Variants in ARHGAP15 observed in about 807,000 individuals in gnomAD.
ARHGAP15 encodes the protein Rho GTPase activating protein 15.
ARHGAP15 carries 51 observed loss-of-function variants against 63.7 expected under a neutral mutation model. That is an observed-to-expected ratio of 0.80 (90% CI 0.64 to 1.01). ARHGAP15 has a LOEUF of 1.01. Among genes scored for constraint, ARHGAP15 ranks in the 50% least tolerant of loss-of-function variants. The pLI, the probability that ARHGAP15 is intolerant of heterozygous loss-of-function variation, is 0.00. For synonymous variants in ARHGAP15, 191 were observed against 193.8 expected (o/e 0.99, Z 0.12); for missense variants, 560 against 564.6 (o/e 0.99, Z 0.08).
chr2:143,313,676 T>C (rs965775297), intron 6 of ARHGAP15, among the ~76,000 whole-genome samples: 1 of 152,176 alleles, frequency 6.6e-6, no homozygotes, highest in African/African-American at 2.4e-5. Flanking sequence ...AGTCTATCTT[T>C]AGGTTTGCCA....
chr2:143,547,709 T>G (rs975391141), intron 10 of ARHGAP15, among the ~76,000 whole-genome samples: 14 of 151,588 alleles, frequency 9.2e-5, no homozygotes, highest in Non-Finnish European at 2.1e-4. Flanking sequence ...TTGTAACATT[T>G]GAAGAAGTCA....
intron 2 of ARHGAP15, among the ~76,000 whole-genome samples, chr2:143,182,821 G>A (rs1041834990): frequency 6.6e-6 from 1 of 152,116 alleles, no homozygotes; most frequent in Non-Finnish European, 1.5e-5. Flanking sequence ...ATGTAACAGG[G>A]CACCTACTAA....
chr2:143,587,371 G>A (rs1697145431), intron 11 of ARHGAP15, among the ~76,000 whole-genome samples: 1 of 151,162 alleles, frequency 6.6e-6, no homozygotes, highest in South Asian at 2.1e-4. Context: ...AAAGATTGAA[G>A]GGTTGTATTG....
intron 4 of ARHGAP15, among the ~76,000 whole-genome samples, chr2:143,225,415 C>T (rs1693169662): frequency 1.3e-5 from 2 of 152,260 alleles, no homozygotes; most frequent in South Asian, 2.1e-4. Context: ...TCCTGGCTAA[C>T]ACGGTGAAAC....
intron 6 of ARHGAP15, among the ~76,000 whole-genome samples, chr2:143,315,791 A>C (rs187640231): frequency 2.0e-5 from 3 of 152,176 alleles, no homozygotes; most frequent in Admixed American, 1.3e-4. Flanking sequence ...ATATATATTA[A>C]ATATTTATTT....
chr2:143,265,882 A>C (rs1259911271), intron 6 of ARHGAP15, among the ~76,000 whole-genome samples: 1 of 152,128 alleles, frequency 6.6e-6, no homozygotes, highest in Admixed American at 6.5e-5. Flanking sequence ...TTGGACTGAA[A>C]ATTTATTTGA....
chr2:143,711,661 G>A lies in ARHGAP15; in HGVS notation c.1244+8137G>A, dbSNP rs116738470. ...TTCTTTCTGTAGGCTAAGCACTGTCGCTCACTCATTTAATCCTAGCACTTT... is the reference window on the plus strand; with the variant it reads ...TTCTTTCTGTAGGCTAAGCACTGTCACTCACTCATTTAATCCTAGCACTTT... On this transcript the variant is annotated intron_variant, in intron 13 of 13. Transcript: ENST00000295095. Among the ~76,000 whole-genome samples, 832 of 152,250 alleles carry A rather than the reference G, an allele frequency of 5.5e-3. 9 individuals are homozygous for A. Among genetic ancestry groups the A allele is most frequent in the Non-Finnish European group, 8.8e-3 (601 of 67,992 alleles).
intron 10 of ARHGAP15, among the ~76,000 whole-genome samples, chr2:143,531,869 A>G (rs1694536663): frequency 6.6e-6 from 1 of 152,230 alleles, no homozygotes. Context: ...ACGTTTGTCA[A>G]GTTTCATATT....
intron 9 of ARHGAP15, among the ~76,000 whole-genome samples, chr2:143,488,085 G>T (rs1692408569): frequency 6.6e-6 from 1 of 152,220 alleles, no homozygotes; most frequent in Non-Finnish European, 1.5e-5. Flanking sequence ...TGTAAGAATA[G>T]ATGATGGCCA....
At chr2:143,348,238 G>A (rs183598706) in intron 6 of ARHGAP15, among the ~76,000 whole-genome samples, 3 of 152,254 alleles carry the variant, frequency 2.0e-5, no homozygotes, top group East Asian at 1.9e-4. Context: ...CAATTACTGC[G>A]TGTGTGTTTA....
chr2:143,432,764 A>G (rs1288788647), intron 6 of ARHGAP15, among the ~76,000 whole-genome samples: 1 of 152,060 alleles, frequency 6.6e-6, no homozygotes, highest in Non-Finnish European at 1.5e-5. Flanking sequence ...TTGACACTGC[A>G]CACTTCATTA....
intron 2 of ARHGAP15, among the ~76,000 whole-genome samples, chr2:143,158,023 C>T (rs1357355564): frequency 6.6e-6 from 1 of 151,724 alleles, no homozygotes; most frequent in African/African-American, 2.4e-5. Context: ...GTCATGCATC[C>T]TACTTAATAT....
intron 13 of ARHGAP15, among the ~76,000 whole-genome samples, chr2:143,731,605 A>G (rs531349423): frequency 2.0e-5 from 3 of 152,314 alleles, no homozygotes; most frequent in Non-Finnish European, 4.4e-5. Flanking sequence ...TAGATCTGCT[A>G]TTCAGAGATC....
At chr2:143,671,742 A>G (rs887406613) in intron 12 of ARHGAP15, among the ~76,000 whole-genome samples, 3 of 152,164 alleles carry the variant, frequency 2.0e-5, no homozygotes, top group African/African-American at 7.2e-5. Flanking sequence ...ATTTATCCCT[A>G]TCTATCTCTG....
intron 11 of ARHGAP15, among the ~76,000 whole-genome samples, chr2:143,606,060 A>AC (rs1698009403): frequency 1.2e-5 from 1 of 84,636 alleles, no homozygotes; most frequent in African/African-American, 3.5e-5. Context: ...AAAAAAAAAA[A>AC]AAAAAAAAAA....
chr2:143,520,980 C>A (rs1417183246), intron 10 of ARHGAP15, among the ~76,000 whole-genome samples: 1 of 152,184 alleles, frequency 6.6e-6, no homozygotes, highest in Non-Finnish European at 1.5e-5. Flanking sequence ...TAGAAAACGT[C>A]TATAAATAGA....
intron 13 of ARHGAP15, among the ~76,000 whole-genome samples, chr2:143,708,204 A>G (rs1386506127): frequency 6.6e-6 from 1 of 152,222 alleles, no homozygotes; most frequent in African/African-American, 2.4e-5. Context: ...TGAGAAGTAT[A>G]TGAATAATGC....
intron 6 of ARHGAP15, among the ~76,000 whole-genome samples, chr2:143,332,421 A>G (rs976494071): frequency 1.3e-5 from 2 of 152,096 alleles, no homozygotes; most frequent in Admixed American, 1.3e-4. Flanking sequence ...TGTATTTTTC[A>G]GTTGAGATCT....
At chr2:143,176,377 GCAT>G (rs1409825705) in intron 2 of ARHGAP15, among the ~76,000 whole-genome samples, 1 of 152,018 alleles carries the variant, frequency 6.6e-6, no homozygotes, top group Non-Finnish European at 1.5e-5. Flanking sequence ...TAGGTTATTT[GCAT>G]CATGTTATTA....
Sources: allele counts gnomAD v4.1 joint callset (sites outside exome capture counted in the v4.1 genomes callset), GRCh38; gene constraint gnomAD v4.1.1; transcripts MANE v1.5; gene names NCBI Gene and HGNC (gene_info 2026-07-23, HGNC 2026-07-21).